Variants in CTTNBP2NL observed in about 807,000 individuals in gnomAD.
CTTNBP2NL encodes CTTNBP2 N-terminal like.
A neutral mutation model predicts 32.5 loss-of-function variants in CTTNBP2NL; 16 were observed. The observed-to-expected ratio is 0.49, with a 90% CI of 0.33 to 0.75. CTTNBP2NL has a LOEUF of 0.75. Ranked by LOEUF, CTTNBP2NL falls within the 30% of genes least tolerant of loss-of-function variation. The pLI is 0.02. For synonymous variants in CTTNBP2NL, 298 were observed against 289.4 expected (o/e 1.03, Z -0.30); for missense variants, 645 against 756.0 (o/e 0.85, Z 1.72).
intron 3 of CTTNBP2NL, among the ~76,000 whole-genome samples, chr1:112,424,189 C>T (rs1355599462): frequency 6.6e-6 from 1 of 151,742 alleles, no homozygotes; most frequent in African/African-American, 2.4e-5. Context: ...TATGATATAT[C>T]TTCAGTTAAT....
chr1:112,418,683 G>A (rs554953617), intron 3 of CTTNBP2NL, among the ~76,000 whole-genome samples: 1 of 152,042 alleles, frequency 6.6e-6, no homozygotes, highest in East Asian at 1.9e-4. Flanking sequence ...CTCATGAACT[G>A]TCTGGGGGAA....
At chr1:112,430,219 T>TTCTTG (rs1158340908) in intron 3 of CTTNBP2NL, among the ~76,000 whole-genome samples, 11 of 32,258 alleles carry the variant, frequency 3.4e-4, no homozygotes, top group African/African-American at 4.7e-4. Flanking sequence ...TTCTTTTCTT[T>TTCTTG]TCTTGTCTTT....
At chr1:112,443,913 G>A (rs561189735) in intron 3 of CTTNBP2NL, among the ~76,000 whole-genome samples, 144 of 152,264 alleles carry the variant, frequency 9.5e-4, no homozygotes, top group African/African-American at 3.3e-3. Flanking sequence ...TATCTATAGT[G>A]TGAATTACTT....
intron 3 of CTTNBP2NL, among the ~76,000 whole-genome samples, chr1:112,420,290 G>A (rs141045276): frequency 1.3e-5 from 2 of 151,600 alleles, no homozygotes; most frequent in Admixed American, 6.6e-5. Context: ...GATTACAGGC[G>A]TGCGCCACCA....
Position 112,456,198 on chromosome 1 carries a change from G to A in CTTNBP2NL, c.706G>A (p.Glu236Lys). The change falls in exon 6 of 6, where the codon GAG becomes AAG. Residue 236 changes from glutamate to lysine, a missense_variant. Physicochemically the swap from Glu to Lys is moderately conservative, Grantham distance 56 (BLOSUM62 1). Transcript: ENST00000271277. ...AGGCTTGCAGACTGAGGCCCAGGTA[G>A]AGAAGCAGTTATCAGAGTTTGACAT... The part of the protein sequence containing the change: ...KRGLQTEAQV[E>K]KQLSEFDIER... 1 of 1,614,158 alleles carries A rather than the reference G, an allele frequency of 6.2e-7. No homozygotes were observed. Among genetic ancestry groups the A allele is most frequent in the Non-Finnish European group, 8.5e-7 (1 of 1,180,044 alleles).
intron 1 of CTTNBP2NL, among the ~76,000 whole-genome samples, chr1:112,399,010 C>T (rs1017889158): frequency 6.6e-6 from 1 of 151,892 alleles, no homozygotes; most frequent in Non-Finnish European, 1.5e-5. Flanking sequence ...GGACTGATTG[C>T]TGATTTTTGT....
At chr1:112,438,074 T>C (rs2101021864) in intron 3 of CTTNBP2NL, among the ~76,000 whole-genome samples, 1 of 152,330 alleles carries the variant, frequency 6.6e-6, no homozygotes, top group East Asian at 1.9e-4. Flanking sequence ...CCAGGGTTTT[T>C]ATAGTTTTTG....
At chr1:112,404,675 C>T (rs1482804479) in intron 1 of CTTNBP2NL, among the ~76,000 whole-genome samples, 1 of 152,132 alleles carries the variant, frequency 6.6e-6, no homozygotes, top group Non-Finnish European at 1.5e-5. Context: ...GACAGATAGA[C>T]AATAGAGACG....
chr1:112,421,695 G>C (rs1487396461), intron 3 of CTTNBP2NL, among the ~76,000 whole-genome samples: 2 of 151,152 alleles, frequency 1.3e-5, no homozygotes, highest in Non-Finnish European at 2.9e-5. Flanking sequence ...AATCTTTGTT[G>C]TTATTAGTGG....
chr1:112,455,454 T>C (rs1422245523), intron 5 of CTTNBP2NL, among the ~76,000 whole-genome samples: 1 of 152,130 alleles, frequency 6.6e-6, no homozygotes, highest in African/African-American at 2.4e-5. Flanking sequence ...AGTGAGCCAA[T>C]ATTGCACCAT....
intron 5 of CTTNBP2NL, among the ~76,000 whole-genome samples, chr1:112,455,050 A>AT (rs1314319551): frequency 2.6e-5 from 4 of 152,142 alleles, no homozygotes; most frequent in Admixed American, 6.5e-5. Context: ...CTGTTTATAT[A>AT]TTTTTTTAAA....
rs757251182 is a variant in CTTNBP2NL at position 112,456,136 on chromosome 1, G to A, written c.644G>A (p.Ser215Asn). The change falls in exon 6 of 6, where the codon AGT becomes AAT. Residue 215 changes from serine (S) to asparagine (N), a missense_variant. Physicochemically the swap from Ser to Asn is conservative, Grantham distance 46 (BLOSUM62 1). Transcript: ENST00000271277. ...TTGGAGAAGGAGAAGAGCCGGGTGA[G>A]TAAACTGGAAGAAGAGTTGGCAGCT... Reference protein sequence around the residue: ...LKLEKEKSRVSKLEEELAAER... With the variant: ...LKLEKEKSRVNKLEEELAAER... 20 of 1,613,998 alleles carry A rather than the reference G, an allele frequency of 1.2e-5. No homozygotes were observed. The highest frequency in any genetic ancestry group is 1.7e-5 in the Non-Finnish European group (20 of 1,180,026).
At chr1:112,418,983 A>G (rs931942487) in intron 3 of CTTNBP2NL, among the ~76,000 whole-genome samples, 1 of 152,190 alleles carries the variant, frequency 6.6e-6, no homozygotes, top group Admixed American at 6.5e-5. Flanking sequence ...TCCACCTTGC[A>G]TTTATTGGTA....
chr1:112,454,356 A>G lies in CTTNBP2NL; in HGVS notation c.331-93A>G, dbSNP rs563271713. On this transcript the variant is annotated intron_variant, in intron 4 of 5. Transcript: ENST00000271277. ...GTTTGTTTGTTTGATCTCTGGAACT[A>G]TCTAAGGTGCCTGATTTGGCACTTA... 2.6e-5 allele frequency: 23 copies of G among 877,420 alleles called. No homozygotes were observed. In the South Asian group the frequency reaches 2.8e-4, roughly 11 times the overall value. The allele number at this position is 877,420 out of a possible 1,614,324, so 54.4% of individuals were successfully genotyped here.
At chr1:112,446,375 A>C (rs1032822489) in intron 3 of CTTNBP2NL, among the ~76,000 whole-genome samples, 1 of 152,120 alleles carries the variant, frequency 6.6e-6, no homozygotes, top group Non-Finnish European at 1.5e-5. Flanking sequence ...CAAACAAAAA[A>C]GAAAAAAGAA....
At chr1:112,452,335 CTTTTTTTTTTTT>C (rs1157736195) in intron 4 of CTTNBP2NL, among the ~76,000 whole-genome samples, 1 of 65,688 alleles carries the variant, frequency 1.5e-5, no homozygotes, top group South Asian at 5.7e-4. Context: ...CCAGTCTCTT[CTTTTTTTTTTTT>C]TTTTTTTTTT....
chr1:112,447,801 T>C (rs1650098496), intron 3 of CTTNBP2NL, among the ~76,000 whole-genome samples: 1 of 152,186 alleles, frequency 6.6e-6, no homozygotes, highest in Non-Finnish European at 1.5e-5. Flanking sequence ...TTTTTTAAAA[T>C]GGATAAATAA....
At chr1:112,437,118 A>G (rs960561222) in intron 3 of CTTNBP2NL, among the ~76,000 whole-genome samples, 8 of 152,092 alleles carry the variant, frequency 5.3e-5, no homozygotes, top group African/African-American at 1.9e-4. Flanking sequence ...GCATGTCTTT[A>G]TGGTAGAATG....
intron 3 of CTTNBP2NL, among the ~76,000 whole-genome samples, chr1:112,421,366 T>A (rs1649227006): frequency 7.1e-6 from 1 of 140,148 alleles, no homozygotes; most frequent in African/African-American, 2.6e-5. Context: ...AGTGGCACAA[T>A]CTCAGCTCAC....
Sources: allele counts gnomAD v4.1 joint callset (sites outside exome capture counted in the v4.1 genomes callset), GRCh38; gene constraint gnomAD v4.1.1; transcripts MANE v1.5; gene names NCBI Gene and HGNC (gene_info 2026-07-23, HGNC 2026-07-21).